Variants in GAGE12F observed in about 807,000 individuals in gnomAD.
The protein encoded by GAGE12F is G antigen 12F.
At chrX:49,566,746 C>A in intron 4 of GAGE12F, among the ~76,000 whole-genome samples, 1 of 16,558 alleles carries the variant, frequency 6.0e-5, no homozygotes, top group Non-Finnish European at 9.5e-5. Context: ...GTCCTCCCAC[C>A]TCAGCCTCCC....
intron 4 of GAGE12F, among the ~76,000 whole-genome samples, chrX:49,566,736 G>A (rs1459393940): frequency 1.1e-4 from 2 of 18,234 alleles, no homozygotes; most frequent in African/African-American, 6.2e-4. Context: ...GGCTAAAGCC[G>A]TCCTCCCACC....
chrX:49,566,577 G>A (rs1404836829), intron 4 of GAGE12F, among the ~76,000 whole-genome samples: 23 of 9,549 alleles, frequency 2.4e-3, no homozygotes, highest in African/African-American at 8.3e-3. Context: ...TAGTTTTTCC[G>A]TGTGGAGAGC....
At chrX:49,566,651 C>G (rs1425457783) in intron 4 of GAGE12F, among the ~76,000 whole-genome samples, 1 of 25,797 alleles carries the variant, frequency 3.9e-5, no homozygotes, top group African/African-American at 2.4e-4. Context: ...TGTTTGTTTG[C>G]GACAGAGTCT....
chrX:49,566,730 A>C (rs1557129293), intron 4 of GAGE12F, among the ~76,000 whole-genome samples: 1 of 18,757 alleles, frequency 5.3e-5, no homozygotes, highest in African/African-American at 3.1e-4. Flanking sequence ...CTCCCAGGCT[A>C]AAGCCGTCCT....
chrX:49,566,671 AC>A (rs2066559992), intron 4 of GAGE12F, among the ~76,000 whole-genome samples: 1 of 25,183 alleles, frequency 4.0e-5, no homozygotes, highest in Non-Finnish European at 6.2e-5. Flanking sequence ...TCAGTGTGTC[AC>A]CCAGGCTGGA....
At chrX:49,566,677 G>T (rs2066560011) in intron 4 of GAGE12F, among the ~76,000 whole-genome samples, 1 of 24,711 alleles carries the variant, frequency 4.0e-5, no homozygotes, top group African/African-American at 2.5e-4. Context: ...TGTCACCCAG[G>T]CTGGAGTGCA....
intron 4 of GAGE12F, among the ~76,000 whole-genome samples, chrX:49,566,895 T>TTTTA (rs1296702549): frequency 1.2e-3 from 1 of 810 alleles, no homozygotes; most frequent in African/African-American, 1.3e-3. Context: ...TTTTTTTTTC[T>TTTTA]TTTATTTATT....
Sources: gnomAD v4.1 joint callset for allele counts (sites outside exome capture counted in the v4.1 genomes callset) on GRCh38, gnomAD v4.1.1 for gene constraint, MANE v1.5 for transcripts, NCBI Gene and HGNC (gene_info 2026-07-23, HGNC 2026-07-21) for gene names.